Variants in THEMIS observed in about 807,000 individuals in gnomAD.
The protein encoded by THEMIS is thymocyte selection associated, also known as protein THEMIS.
THEMIS carries 37 observed loss-of-function variants against 52.6 expected under a neutral mutation model. The ratio of observed to expected loss-of-function variants is 0.70; its 90% CI spans 0.54 to 0.93. The LOEUF is 0.93. Ranked by LOEUF, THEMIS falls within the 40% of genes least tolerant of loss-of-function variation. The pLI, the probability that THEMIS is intolerant of heterozygous loss-of-function variation, is 0.00. For synonymous variants in THEMIS, 292 were observed against 272.7 expected, an observed-to-expected ratio of 1.07 and a Z score of -0.70; for missense variants, 808 against 763.1, an observed-to-expected ratio of 1.06 and a Z score of -0.69.
intron 4 of THEMIS, among the ~76,000 whole-genome samples, chr6:127,735,365 A>G (rs1317892502): frequency 1.3e-5 from 2 of 152,024 alleles, no homozygotes; most frequent in Non-Finnish European, 2.9e-5. Flanking sequence ...AGAAAGCATT[A>G]GTCTGTATCT....
chr6:127,866,977 A>T (rs1213026006), intron 1 of THEMIS, among the ~76,000 whole-genome samples: 1 of 150,548 alleles, frequency 6.6e-6, no homozygotes, highest in Non-Finnish European at 1.5e-5. Context: ...TTATTTATTT[A>T]TTTTTTACTT....
chr6:127,911,213 C>A (rs985816609), intron 1 of THEMIS, among the ~76,000 whole-genome samples: 8 of 151,298 alleles, frequency 5.3e-5, no homozygotes, highest in African/African-American at 2.0e-4. Context: ...TCTTTTCACA[C>A]TGTTCTCCAT....
In THEMIS at chr6:127,855,114, C is replaced by A. The variant is rs572172163; in HGVS notation, c.166G>T (p.Val56Phe). 4.3e-6 allele frequency: 7 copies of A among 1,611,022 alleles called. No homozygotes were observed. The highest frequency in any genetic ancestry group is 5.9e-6 in the Non-Finnish European group (7 of 1,178,426). Reference sequence around the variant, plus strand: ...CAAATTTCAGCTATGATCTTCTTAACTTTGAGACCAGTAATTTTAATCACT... The same window carrying A: ...CAAATTTCAGCTATGATCTTCTTAAATTTGAGACCAGTAATTTTAATCACT... ...GEVIKITGLK[V>F]KKIIAEICEQ... Residue 56 changes from valine to phenylalanine, a missense_variant, in exon 2 of 6, where the codon GTT (valine) becomes TTT (phenylalanine). By Grantham distance (50) the Val-to-Phe change is conservative. Transcript: ENST00000368248.
At chr6:127,876,809 C>T (rs1780326809) in intron 1 of THEMIS, among the ~76,000 whole-genome samples, 1 of 152,118 alleles carries the variant, frequency 6.6e-6, no homozygotes, top group African/African-American at 2.4e-5. Flanking sequence ...GCATCTTGGA[C>T]ATACGTGGAA....
intron 4 of THEMIS, among the ~76,000 whole-genome samples, chr6:127,783,634 A>G (rs936158636): frequency 6.6e-6 from 1 of 152,246 alleles, no homozygotes; most frequent in Non-Finnish European, 1.5e-5. Flanking sequence ...CATATGAACA[A>G]AAGCTCATCA....
chr6:127,754,635 A>G (rs777255553), intron 4 of THEMIS, among the ~76,000 whole-genome samples: 6 of 152,206 alleles, frequency 3.9e-5, no homozygotes, highest in Non-Finnish European at 5.9e-5. Flanking sequence ...TCATGTGCTC[A>G]TCTTCAAACT....
chr6:127,911,827 C>A (rs992944705), intron 1 of THEMIS, among the ~76,000 whole-genome samples: 1 of 151,424 alleles, frequency 6.6e-6, no homozygotes, highest in African/African-American at 2.5e-5. Flanking sequence ...GAGGGAGCCC[C>A]CACACAGAGT....
intron 1 of THEMIS, among the ~76,000 whole-genome samples, chr6:127,910,827 T>C (rs932009624): frequency 6.6e-6 from 1 of 152,138 alleles, no homozygotes; most frequent in African/African-American, 2.4e-5. Flanking sequence ...AAAATTTTAT[T>C]AGATTTTGCT....
chr6:127,730,277 T>TAAGAAAAGAAAAGAAAAGAAAAGA (rs1554215750), intron 4 of THEMIS, among the ~76,000 whole-genome samples: 5 of 54,672 alleles, frequency 9.1e-5, no homozygotes, highest in Non-Finnish European at 1.0e-4. Context: ...CTATAGGAAA[T>TAAGAAAAGAAAAGAAAAGAAAAGA]AAAGAAAAGA....
Position 127,912,201 on chromosome 6 carries a change from A to G in THEMIS, c.-150+6227T>C, listed in dbSNP as rs538820823. On this transcript the variant is annotated intron_variant, in intron 1 of 6. Coordinates refer to the THEMIS transcript ENST00000368250. ...CTGCCCTATTGGATTTTAGACTTGC[A>G]TGAGACCTGTAACCCCTTTGTTTTG... 2.6e-5 allele frequency among the ~76,000 whole-genome samples: 4 copies of G among 152,302 alleles called. No individual in the cohort carries two copies. In the East Asian group the frequency reaches 7.7e-4, roughly 29 times the overall value.
rs998343051 is a variant in THEMIS, at chr6:127,728,189, G to A, written c.1759-8366C>T. 1.2e-4 allele frequency among the ~76,000 whole-genome samples: 18 copies of A among 152,088 alleles called. 1 individual carries two copies. The highest frequency in any genetic ancestry group is 8.5e-4 in the Admixed American group (13 of 15,272). On this transcript the variant is annotated intron_variant, in intron 4 of 5. Coordinates refer to ENST00000368248, the MANE Select transcript of THEMIS (RefSeq NM_001010923.3). ...AATCAGAACATGGACCTCATTGTTC[G>A]TCAGAATTTCTCCATCCTCACGATC...
At chr6:127,779,827 T>C (rs1776684671) in intron 4 of THEMIS, among the ~76,000 whole-genome samples, 1 of 152,188 alleles carries the variant, frequency 6.6e-6, no homozygotes, top group Non-Finnish European at 1.5e-5. Flanking sequence ...ATGTTCTAAT[T>C]ATACTGTTTT....
chr6:127,793,609 C>A (rs1777227879), intron 4 of THEMIS, among the ~76,000 whole-genome samples: 1 of 152,176 alleles, frequency 6.6e-6, no homozygotes, highest in Admixed American at 6.5e-5. Context: ...CCTCAAAATA[C>A]CGCAGGCTCA....
At chr6:127,740,162 C>A (rs1355016550) in intron 4 of THEMIS, among the ~76,000 whole-genome samples, 1 of 152,110 alleles carries the variant, frequency 6.6e-6, no homozygotes, top group African/African-American at 2.4e-5. Context: ...GCAACAGGAA[C>A]CTAATTGATT....
downstream of THEMIS, among the ~76,000 whole-genome samples, chr6:127,707,282 GC>G (rs1773823598): frequency 6.6e-6 from 1 of 152,096 alleles, no homozygotes; most frequent in Non-Finnish European, 1.5e-5. Context: ...GGGAAGGTCA[GC>G]ATGACTTGAG....
At chr6:127,857,746 C>T (rs1309909794) in intron 1 of THEMIS, among the ~76,000 whole-genome samples, 1 of 151,880 alleles carries the variant, frequency 6.6e-6, no homozygotes, top group Non-Finnish European at 1.5e-5. Context: ...TAACAAGATC[C>T]CTAGATGATT....
intron 4 of THEMIS, among the ~76,000 whole-genome samples, chr6:127,751,881 A>G (rs1010333622): frequency 2.0e-5 from 3 of 151,686 alleles, no homozygotes; most frequent in African/African-American, 7.2e-5. Flanking sequence ...TCCATCCAAC[A>G]GCAGCAAAAT....
intron 4 of THEMIS, among the ~76,000 whole-genome samples, chr6:127,778,514 T>C (rs1409472918): frequency 6.6e-6 from 1 of 152,256 alleles, no homozygotes; most frequent in East Asian, 1.9e-4. Flanking sequence ...TTTAATGTGA[T>C]TATAGACGCC....
At chr6:127,751,637 A>G (rs1392633218) in intron 4 of THEMIS, among the ~76,000 whole-genome samples, 1 of 151,686 alleles carries the variant, frequency 6.6e-6, no homozygotes, top group African/African-American at 2.4e-5. Context: ...GATTATAACA[A>G]TTGTAAATAT....
Sources: allele counts gnomAD v4.1 joint callset (sites outside exome capture counted in the v4.1 genomes callset), GRCh38; gene constraint gnomAD v4.1.1; transcripts MANE v1.5; gene names NCBI Gene and HGNC (gene_info 2026-07-23, HGNC 2026-07-21).